Variants in BMPR1B observed in about 807,000 individuals in gnomAD.
BMPR1B encodes the protein bone morphogenetic protein receptor type-1B.
A neutral mutation model predicts 59.1 loss-of-function variants in BMPR1B; 12 were observed. The observed-to-expected ratio is 0.20, with a 90% CI of 0.13 to 0.33. BMPR1B has a LOEUF of 0.33. Among genes scored for constraint, BMPR1B ranks in the 10% least tolerant of loss-of-function variants. The pLI is 1.00. For missense variants in BMPR1B, 550 were observed against 610.9 expected (o/e 0.90, Z 1.05); for synonymous variants, 237 against 207.3 (o/e 1.14, Z -1.23).
rs539226658 is a variant in BMPR1B, at chr4:94,884,139, TC to T, written c.-113+8240del. On this transcript the variant is annotated intron_variant, in intron 2 of 12. Coordinates refer to ENST00000515059, the MANE Select transcript of BMPR1B (RefSeq NM_001203.3). ...TCTTCCAAGGTTTCAAAAGTAATGA[TC>T]TAACTTCCTCAATTGAAAGCCTTTA... Among the ~76,000 whole-genome samples, 5 of 152,286 alleles carry T rather than the reference TC, an allele frequency of 3.3e-5. No individual in the cohort carries two copies. The South Asian group carries it at 1.0e-3, about 32-fold the overall frequency.
intron 3 of BMPR1B, among the ~76,000 whole-genome samples, chr4:95,028,096 G>T (rs1304843847): frequency 1.3e-5 from 2 of 152,188 alleles, no homozygotes; most frequent in Non-Finnish European, 2.9e-5. Flanking sequence ...TAAGAGGGAG[G>T]CTATTTCACT....
intron 6 of BMPR1B, among the ~76,000 whole-genome samples, chr4:95,116,421 G>GCGCGCGCGCGCACACACACACACACA: frequency 4.1e-5 from 5 of 123,198 alleles, no homozygotes; most frequent in African/African-American, 1.8e-4. Flanking sequence ...TTCAGCGCGC[G>GCGCGCGCGCGCACACACACACACACA]CACACACACA....
At chr4:95,109,591 C>T (rs1731464333) in intron 4 of BMPR1B, among the ~76,000 whole-genome samples, 1 of 152,036 alleles carries the variant, frequency 6.6e-6, no homozygotes, top group East Asian at 1.9e-4. Context: ...TCCACGGTTG[C>T]CCAGGCCATT....
intron 3 of BMPR1B, among the ~76,000 whole-genome samples, chr4:95,035,328 G>A (rs991982504): frequency 6.6e-6 from 1 of 152,070 alleles, no homozygotes; most frequent in Non-Finnish European, 1.5e-5. Context: ...TTTGCTTTTG[G>A]ATTCTTGATC....
chr4:95,130,178 G>T (rs1733223148), intron 9 of BMPR1B, 124 bp downstream of exon 9: 1 of 1,166,196 alleles, frequency 8.6e-7, no homozygotes, highest in Admixed American at 2.0e-5. Context: ...TTTCTTCTTG[G>T]CATGGGCCCA....
chr4:95,090,136 G>A (rs1213739592), intron 3 of BMPR1B, among the ~76,000 whole-genome samples: 3 of 151,802 alleles, frequency 2.0e-5, no homozygotes, highest in African/African-American at 4.8e-5. Flanking sequence ...AATTTTTGTT[G>A]ACCCTATTGA....
intron 2 of BMPR1B, among the ~76,000 whole-genome samples, chr4:94,893,400 G>A (rs1275899942): frequency 6.6e-6 from 1 of 151,944 alleles, no homozygotes; most frequent in East Asian, 1.9e-4. Context: ...ATATTAGAAA[G>A]CAAATTTGTG....
At chr4:94,967,004 A>C (rs868304439) in intron 2 of BMPR1B, among the ~76,000 whole-genome samples, 1 of 152,134 alleles carries the variant, frequency 6.6e-6, no homozygotes, top group Non-Finnish European at 1.5e-5. Context: ...TTTACCTTGG[A>C]GTTCACAAGG....
intron 3 of BMPR1B, among the ~76,000 whole-genome samples, chr4:95,081,979 T>G (rs1729175746): frequency 6.6e-6 from 1 of 151,958 alleles, no homozygotes; most frequent in South Asian, 2.1e-4. Flanking sequence ...TAAAAATGAA[T>G]TATACTTTTT....
intron 2 of BMPR1B, among the ~76,000 whole-genome samples, chr4:94,886,114 A>C (rs1478349473): frequency 1.1e-4 from 16 of 152,198 alleles, no homozygotes; most frequent in Admixed American, 8.5e-4. Flanking sequence ...CTAAGTTATA[A>C]ATTTAAAAAT....
chr4:95,031,785 G>C (rs911982001), intron 3 of BMPR1B, among the ~76,000 whole-genome samples: 1 of 152,038 alleles, frequency 6.6e-6, no homozygotes, highest in African/African-American at 2.4e-5. Context: ...GTTTTGACTG[G>C]ACAGGGTGGC....
intron 3 of BMPR1B, among the ~76,000 whole-genome samples, chr4:95,026,098 A>ATTTCTTTCTTTTCTTTCTTTCTTTC (rs1724342718): frequency 9.8e-6 from 1 of 101,622 alleles, no homozygotes; most frequent in Non-Finnish European, 2.1e-5. Flanking sequence ...GCTTTCTTTC[A>ATTTCTTTCTTTTCTTTCTTTCTTTC]TTTCTTTCTT....
rs556231322 is a variant in BMPR1B, at chr4:95,073,227, C to T, written c.-17-31181C>T. Among the ~76,000 whole-genome samples the T allele has an allele frequency of 9.9e-5, 15 of 152,228 alleles. No individual in the cohort carries two copies. The South Asian group carries it at 1.2e-3, about 13-fold the overall frequency. ...TTGTTCTTAGTAAGTTAATATTTGA[C>T]TTGCCAAGCCATTTGGGAACACGGA... On this transcript the variant is annotated intron_variant, in intron 3 of 12. Transcript: ENST00000515059.
chr4:94,868,343 T>A (rs1726332679), intron 1 of BMPR1B, among the ~76,000 whole-genome samples: 1 of 152,012 alleles, frequency 6.6e-6, no homozygotes, highest in Non-Finnish European at 1.5e-5. Context: ...CTAATTTTTG[T>A]ATTTTTTTAG....
intron 1 of BMPR1B, among the ~76,000 whole-genome samples, chr4:94,787,740 G>A (rs1370541671): frequency 6.6e-6 from 1 of 152,086 alleles, no homozygotes; most frequent in East Asian, 1.9e-4. Context: ...TTTTGTTACA[G>A]GGGCTCTAGG....
chr4:95,048,643 G>A (rs1187283059), intron 3 of BMPR1B, among the ~76,000 whole-genome samples: 1 of 152,014 alleles, frequency 6.6e-6, no homozygotes, highest in Non-Finnish European at 1.5e-5. Context: ...TTTTTAATGC[G>A]ATTATTTGTG....
intron 1 of BMPR1B, among the ~76,000 whole-genome samples, chr4:94,781,788 G>C (rs754271756): frequency 6.6e-6 from 1 of 152,074 alleles, no homozygotes; most frequent in Non-Finnish European, 1.5e-5. Context: ...CATGGTTGAT[G>C]GTTTTTTTCT....
chr4:94,863,289 A>T (rs1342636154), intron 1 of BMPR1B, among the ~76,000 whole-genome samples: 1 of 152,130 alleles, frequency 6.6e-6, no homozygotes, highest in East Asian at 1.9e-4. Context: ...CACACAATTT[A>T]TCTATAGAAC....
At chr4:95,021,373 G>C (rs982040463) in intron 3 of BMPR1B, among the ~76,000 whole-genome samples, 9 of 152,194 alleles carry the variant, frequency 5.9e-5, no homozygotes, top group Admixed American at 2.6e-4. Flanking sequence ...CTATAAGTTA[G>C]AGATTTTAAA....
Sources: allele counts gnomAD v4.1 joint callset (sites outside exome capture counted in the v4.1 genomes callset), GRCh38; gene constraint gnomAD v4.1.1; transcripts MANE v1.5; gene names NCBI Gene and HGNC (gene_info 2026-07-23, HGNC 2026-07-21).